DPP6: variants seen among roughly 807,000 people sequenced by gnomAD.
DPP6 encodes the protein dipeptidyl peptidase like 6, also known as A-type potassium channel modulatory protein DPP6.
DPP6 carries 69 observed loss-of-function variants against 122.6 expected under a neutral mutation model. That is an observed-to-expected ratio of 0.56 (90% CI 0.46 to 0.69). DPP6 has a LOEUF of 0.69. DPP6 is among the 30% of genes least tolerant of loss of function. The probability of loss-of-function intolerance (pLI) is 0.00; values close to 1 mark genes in which losing one functional copy is unlikely to be tolerated. For missense variants in DPP6, 928 were observed against 1,116.9 expected (o/e 0.83, Z 2.41); for synonymous variants, 418 against 433.1 (o/e 0.97, Z 0.43).
At chr7:154,629,061 A>T (rs1835257168) in intron 5 of DPP6, among the ~76,000 whole-genome samples, 1 of 152,144 alleles carries the variant, frequency 6.6e-6, no homozygotes, top group Non-Finnish European at 1.5e-5. Flanking sequence ...TGCTTTCATG[A>T]AGTGTCTGTC....
intron 1 of DPP6, among the ~76,000 whole-genome samples, chr7:154,400,459 A>G (rs1051357810): frequency 6.6e-6 from 1 of 152,220 alleles, no homozygotes; most frequent in African/African-American, 2.4e-5. Flanking sequence ...AATTATGATC[A>G]TGAATGAGAT....
chr7:154,641,350 A>T (rs972134065), intron 6 of DPP6, among the ~76,000 whole-genome samples: 24 of 152,228 alleles, frequency 1.6e-4, no homozygotes, highest in Non-Finnish European at 2.6e-4. Flanking sequence ...ACAAATCTAT[A>T]TTTTAGCGGA....
intron 5 of DPP6, chr7:154,588,010 G>C (rs775339340): frequency 6.2e-6 from 10 of 1,612,814 alleles, no homozygotes; most frequent in Non-Finnish European, 8.5e-6. Flanking sequence ...CAGGTGTGAG[G>C]CATCGCATCT....
At chr7:154,650,461 C>G (rs1373295727) in intron 6 of DPP6, among the ~76,000 whole-genome samples, 1 of 152,186 alleles carries the variant, frequency 6.6e-6, no homozygotes, top group African/African-American at 2.4e-5. Flanking sequence ...GCCATCTGCA[C>G]TTGGACATCC....
chr7:154,564,740 T>C (rs1158928116), intron 4 of DPP6, among the ~76,000 whole-genome samples: 6 of 152,236 alleles, frequency 3.9e-5, no homozygotes, highest in Admixed American at 3.9e-4. Flanking sequence ...AACCATGTGA[T>C]AAAGTGTACC....
intron 1 of DPP6, among the ~76,000 whole-genome samples, chr7:154,406,293 C>G (rs1303355676): frequency 6.6e-6 from 1 of 152,166 alleles, no homozygotes; most frequent in Non-Finnish European, 1.5e-5. Flanking sequence ...TTATTAAACA[C>G]ACTTCTCAAT....
In DPP6 at chr7:154,769,504, C is replaced by CCAT; in HGVS notation, c.975_977dup (p.Ile325dup). On this transcript the variant is annotated inframe_insertion, in exon 9 of 26. Coordinates refer to ENST00000377770, the MANE Select transcript of DPP6 (RefSeq NM_130797.4). ...GCCGCCATCAATGATTCCCGTGTCC[C>CCAT]CATCATGGAGCTCCCAACTTACACC... is the stretch of plus-strand genomic sequence containing the variant. 1 of 1,613,658 alleles carries CCAT rather than the reference C, an allele frequency of 6.2e-7. No individual in the cohort carries two copies. Among genetic ancestry groups the CCAT allele is most frequent in the Non-Finnish European group, 8.5e-7 (1 of 1,179,780 alleles).
chr7:154,135,661 C>T (rs962321500), intron 1 of DPP6, among the ~76,000 whole-genome samples: 6 of 151,832 alleles, frequency 4.0e-5, no homozygotes, highest in African/African-American at 1.2e-4. Context: ...CCCCCTTCCT[C>T]TGTGCAATTC....
Position 154,130,748 on chromosome 7 carries a change from G to A in DPP6, c.243+77685G>A, listed in dbSNP as rs184020606. Reference sequence around the variant, plus strand: ...CTCTGTTTCTCCAGTGCAGTCAACAGAATGAGCTCCTGTCCCAAGAGCCTG... The same window carrying A: ...CTCTGTTTCTCCAGTGCAGTCAACAAAATGAGCTCCTGTCCCAAGAGCCTG... On this transcript the variant is annotated intron_variant, in intron 1 of 25. Coordinates refer to ENST00000377770, the MANE Select transcript of DPP6 (RefSeq NM_130797.4). Among the ~76,000 whole-genome samples, 24 of 152,102 alleles carry A rather than the reference G, an allele frequency of 1.6e-4. No homozygotes were observed. In the East Asian group the frequency reaches 4.6e-3, roughly 29 times the overall value.
intron 1 of DPP6, among the ~76,000 whole-genome samples, chr7:153,983,484 C>G (rs1796693292): frequency 6.6e-6 from 1 of 152,228 alleles, no homozygotes; most frequent in African/African-American, 2.4e-5. Flanking sequence ...TTATTGGGCT[C>G]CATGGAGATG....
intron 2 of DPP6, among the ~76,000 whole-genome samples, chr7:154,471,068 T>C (rs1822227590): frequency 6.6e-6 from 1 of 151,904 alleles, no homozygotes; most frequent in African/African-American, 2.4e-5. Context: ...CTGGCCAATA[T>C]AGTGAAACCC....
Position 153,948,628 on chromosome 7 carries a change from T to G in DPP6, c.51+60894T>G, listed in dbSNP as rs1802058687. ...TCCTCACTGTTTTTTTATTTTTATT[T>G]TTTTTAGGATCAGATGAGATAAAAT... On this transcript the variant is annotated intron_variant, in intron 1 of 25. Coordinates refer to the DPP6 transcript ENST00000404039. Among the ~76,000 whole-genome samples the G allele has an allele frequency of 4.6e-5, 7 of 151,592 alleles. No homozygotes were observed. The South Asian group carries it at 1.5e-3, about 32-fold the overall frequency.
chr7:154,791,821 T>C (rs1321050772), intron 10 of DPP6, among the ~76,000 whole-genome samples: 1 of 152,206 alleles, frequency 6.6e-6, no homozygotes, highest in African/African-American at 2.4e-5. Context: ...AGCCCCCTGG[T>C]TCCATCCAGT....
intron 7 of DPP6, among the ~76,000 whole-genome samples, chr7:154,678,126 CACCAATCAGCACTCTGTAAAAACGG>C (rs1839034945): frequency 6.6e-6 from 1 of 152,166 alleles, no homozygotes; most frequent in Non-Finnish European, 1.5e-5. Context: ...TTTGTAAACA[CACCAATCAGCACTCTGTAAAAACGG>C]ACCAATCAGC....
chr7:154,777,357 C>T (rs1796643623), intron 10 of DPP6, among the ~76,000 whole-genome samples: 1 of 152,084 alleles, frequency 6.6e-6, no homozygotes, highest in African/African-American at 2.4e-5. Context: ...TCTTGGGAAA[C>T]GGTTCTATTA....
At chr7:154,436,055 T>C (rs536647601) in intron 1 of DPP6, among the ~76,000 whole-genome samples, 1 of 152,270 alleles carries the variant, frequency 6.6e-6, no homozygotes, top group East Asian at 1.9e-4. Flanking sequence ...GGCACTTTTC[T>C]GATGTCAGTA....
intron 1 of DPP6, among the ~76,000 whole-genome samples, chr7:154,116,504 T>TG (rs1806995742): frequency 6.6e-6 from 1 of 152,210 alleles, no homozygotes; most frequent in Non-Finnish European, 1.5e-5. Flanking sequence ...AGAAAGTCAT[T>TG]GAACAAGCAA....
At chr7:154,616,443 T>C (rs953992975) in intron 5 of DPP6, among the ~76,000 whole-genome samples, 9 of 152,180 alleles carry the variant, frequency 5.9e-5, no homozygotes, top group Admixed American at 2.0e-4. Flanking sequence ...CCCTCCTTTA[T>C]TTTTGAGTTG....
Position 154,241,185 on chromosome 7 carries a change from A to ATGCGTGTGTGTGTGTGTGTG in DPP6, c.243+188124_243+188125insCGTGTGTGTGTGTGTGTGTG, listed in dbSNP as rs34454400. 3.7e-5 allele frequency among the ~76,000 whole-genome samples: 5 copies of ATGCGTGTGTGTGTGTGTGTG among 136,298 alleles called. No homozygotes were observed. Among genetic ancestry groups the ATGCGTGTGTGTGTGTGTGTG allele is most frequent in the Admixed American group, 7.5e-5 (1 of 13,372 alleles). 89.4% of individuals were successfully genotyped at this position (136,298 alleles called of 152,430 possible). A position where few individuals can be genotyped will look rare whatever the true frequency, so the allele number is the denominator to read the frequency against. On this transcript the variant is annotated intron_variant, in intron 1 of 25. Coordinates refer to ENST00000377770, the MANE Select transcript of DPP6 (RefSeq NM_130797.4). This position sits in a 1 kb window ranked among gnomAD's most constrained non-coding sequence, Gnocchi z 9.0. Reference sequence around the variant, plus strand: ...GCACAGTAGGTAATTCAATATCAATATGTGTGTGTGTGTGTGTGTGTGTGT... The same window carrying ATGCGTGTGTGTGTGTGTGTG: ...GCACAGTAGGTAATTCAATATCAATATGCGTGTGTGTGTGTGTGTGTGTGTGTGTGTGTGTGTGTGTGTGT...
Sources: gnomAD v4.1 joint callset for allele counts (sites outside exome capture counted in the v4.1 genomes callset) on GRCh38, gnomAD v4.1.1 for gene constraint, Gnocchi (gnomAD v3.1) non-coding constraint, MANE v1.5 for transcripts, NCBI Gene and HGNC (gene_info 2026-07-23, HGNC 2026-07-21) for gene names.